ZNF468: variants seen among roughly 807,000 people sequenced by gnomAD.
ZNF468 encodes the protein zinc finger protein ZNF468.
A neutral mutation model predicts 7.2 loss-of-function variants in ZNF468; 8 were observed. The observed-to-expected ratio is 1.11, with a 90% CI of 0.65 to 2.01. The LOEUF is 2.01. Among genes scored for constraint, ZNF468 ranks in the 30% most tolerant of loss-of-function variants. The pLI is 0.00. For synonymous variants in ZNF468, 218 were observed against 214.4 expected (o/e 1.02, Z -0.15); for missense variants, 608 against 626.5 (o/e 0.97, Z 0.31).
chr19:52,849,025 G>T (rs2063362097), intron 3 of ZNF468, 62 bp downstream of exon 3: 3 of 1,595,946 alleles, frequency 1.9e-6, no homozygotes, highest in Admixed American at 3.6e-5. Context: ...GTTCCTAAGA[G>T]ACAATAAGAG....
chr19:52,852,042 G>C (rs1228263806), intron 2 of ZNF468, among the ~76,000 whole-genome samples: 2 of 152,050 alleles, frequency 1.3e-5, no homozygotes, highest in African/African-American at 4.8e-5. Context: ...AGGATACTTT[G>C]GCAGTGGGAG....
At chr19:52,853,694 A>T (rs1327719490) in intron 2 of ZNF468, among the ~76,000 whole-genome samples, 1 of 151,972 alleles carries the variant, frequency 6.6e-6, no homozygotes, top group Non-Finnish European at 1.5e-5. Flanking sequence ...CCATCTCAAA[A>T]AATAATAATA....
Position 52,840,590 on chromosome 19 carries a change from G to A in ZNF468, c.*135C>T. ...TTCTCTCCAGTATGAAGTCTATGGT[G>A]ATGTGCAAAGGTTGCTTTTTGATTA... On this transcript the variant is annotated 3_prime_UTR_variant, in exon 4 of 4. Coordinates refer to ENST00000595646, the MANE Select transcript of ZNF468 (RefSeq NM_001008801.2). 2 of 1,444,234 alleles carry A rather than the reference G, an allele frequency of 1.4e-6. No individual in the cohort carries two copies. Among genetic ancestry groups the A allele is most frequent in the Non-Finnish European group, 1.9e-6 (2 of 1,027,422 alleles). 89.5% of individuals were successfully genotyped at this position (1,444,234 alleles called of 1,614,324 possible).
intron 2 of ZNF468, among the ~76,000 whole-genome samples, chr19:52,852,684 T>A (rs945721973): frequency 4.1e-4 from 62 of 151,236 alleles, no homozygotes; most frequent in African/African-American, 1.4e-3. Context: ...TCAAAAAAAA[T>A]AAATAAAGCA....
At position 52,854,276 on chromosome 19, in the gene ZNF468, T is replaced by C. The variant is rs776513449; in HGVS notation, c.-4A>G. On this transcript the variant is annotated 5_prime_UTR_variant, in exon 2 of 4. Transcript: ENST00000595646. ...ATCTCACCTGAGGAAGAGCCATCCCTGACTCCTTTGCTTTCCTCTTCCTCT... is the reference window on the plus strand; with the variant it reads ...ATCTCACCTGAGGAAGAGCCATCCCCGACTCCTTTGCTTTCCTCTTCCTCT... The C allele has an allele frequency of 3.1e-6, 5 of 1,613,848 alleles. No individual in the cohort carries two copies. Among genetic ancestry groups the C allele is most frequent in the Non-Finnish European group, 3.4e-6 (4 of 1,179,832 alleles).
intron 1 of ZNF468, among the ~76,000 whole-genome samples, chr19:52,854,956 G>A (rs1023478521): frequency 2.6e-5 from 4 of 151,810 alleles, no homozygotes; most frequent in Non-Finnish European, 5.9e-5. Context: ...TGCGCGACCC[G>A]AGATCGCGCC....
rs746230765 is a variant in ZNF468, at chr19:52,838,653, A to C, written c.*2072T>G. On this transcript the variant is annotated 3_prime_UTR_variant, in exon 4 of 4. Transcript: ENST00000595646. ...CAAACACATTCAGTTTATTTGCAGA[A>C]TAGAATAACAGCACCAAAAATTAGT... is the stretch of plus-strand genomic sequence containing the variant. 1.3e-5 allele frequency: 2 copies of C among 152,224 alleles called. No homozygotes were observed. The highest frequency in any genetic ancestry group is 2.9e-5 in the Non-Finnish European group (2 of 68,044). 9.4% of individuals were successfully genotyped at this position (152,224 alleles called of 1,614,324 possible). A position where few individuals can be genotyped will look rare whatever the true frequency, so the allele number is the denominator to read the frequency against.
At position 52,854,226 on chromosome 19, in the gene ZNF468, G is replaced by C. The variant is rs763935236; in HGVS notation, c.15+32C>G. 6.8e-6 allele frequency: 11 copies of C among 1,613,636 alleles called. No individual in the cohort carries two copies. The African/African-American group carries it at 1.5e-4, about 22-fold the overall frequency. On this transcript the variant is annotated intron_variant, in intron 2 of 3. Transcript: ENST00000595646. ...GGCCCAGGGTATCTGAAAGGAAGGA[G>C]ACAGAACAATCCACCGAGGATATCA...
At position 52,840,156 on chromosome 19, in the gene ZNF468, T is replaced by C. The variant is rs537982653; in HGVS notation, c.*569A>G. On this transcript the variant is annotated 3_prime_UTR_variant, in exon 4 of 4. Coordinates refer to ENST00000595646, the MANE Select transcript of ZNF468 (RefSeq NM_001008801.2). ...CTCCAGTGTGAATTCTCCTATGTATTTGAAGCTGGATTTGTGAATGAAAAC... is the reference window on the plus strand; with the variant it reads ...CTCCAGTGTGAATTCTCCTATGTATCTGAAGCTGGATTTGTGAATGAAAAC... The C allele has an allele frequency of 4.7e-6, 2 of 422,100 alleles. No individual in the cohort carries two copies. The highest frequency in any genetic ancestry group is 6.7e-5 in the East Asian group (1 of 15,006). 26.1% of individuals were successfully genotyped at this position (422,100 alleles called of 1,614,324 possible). A position where few individuals can be genotyped will look rare whatever the true frequency, so the allele number is the denominator to read the frequency against.
intron 3 of ZNF468, among the ~76,000 whole-genome samples, chr19:52,842,916 GA>G (rs564170334): frequency 1.3e-5 from 2 of 150,706 alleles, no homozygotes; most frequent in African/African-American, 4.9e-5. Flanking sequence ...CTCAGGTCAG[GA>G]GTTCAACCAG....
At position 52,839,608 on chromosome 19, in the gene ZNF468, G is replaced by A; in HGVS notation, c.*1117C>T. 1.8e-6 allele frequency: 1 copy of A among 548,718 alleles called. No homozygotes were observed. Among genetic ancestry groups the A allele is most frequent in the Non-Finnish European group, 3.7e-6 (1 of 270,106 alleles). The allele number at this position is 548,718 out of a possible 1,614,324, so 34.0% of individuals were successfully genotyped here. On this transcript the variant is annotated 3_prime_UTR_variant, in exon 4 of 4. Transcript: ENST00000595646. The stretch of plus-strand genomic sequence containing the variant: ...CTTGGACTGAAGACCCTTCCACACT[G>A]ATGACATTTGTAAGATTTCTGTCCA...
Position 52,854,164 on chromosome 19 carries a change from A to T in ZNF468, c.15+94T>A, listed in dbSNP as rs1394414536. 3 of 1,606,284 alleles carry T rather than the reference A, an allele frequency of 1.9e-6. No homozygotes were observed. In the Admixed American group the frequency reaches 5.0e-5, roughly 27 times the overall value. On this transcript the variant is annotated intron_variant, in intron 2 of 3. Transcript: ENST00000595646. ...ATAAGTGAGGGTGAGCAAACATGTC[A>T]GGCAGGTCATTCAGACCCAGACATT...
chr19:52,852,675 C>CA (rs914221082), intron 2 of ZNF468, among the ~76,000 whole-genome samples: 4 of 150,850 alleles, frequency 2.7e-5, no homozygotes, highest in African/African-American at 4.9e-5. Flanking sequence ...GACTCCATCT[C>CA]AAAAAAAATA....
At chr19:52,842,308 A>C (rs753938639) in intron 3 of ZNF468, among the ~76,000 whole-genome samples, 157 bp from the exon 4 acceptor site, 1 of 152,170 alleles carries the variant, frequency 6.6e-6, no homozygotes, top group Non-Finnish European at 1.5e-5. Flanking sequence ...ATTCTTTAAT[A>C]AATAAAGGGC....
At position 52,839,524 on chromosome 19, in the gene ZNF468, C is replaced by A; in HGVS notation, c.*1201G>T. ...TTAATGCTTGATGGTTTGCTATACT[C>A]ACTGCATTTGAAACAACTGTCTCCA... On this transcript the variant is annotated 3_prime_UTR_variant, in exon 4 of 4. Transcript: ENST00000595646. 4.1e-6 allele frequency: 2 copies of A among 489,140 alleles called. No homozygotes were observed. Among genetic ancestry groups the A allele is most frequent in the South Asian group, 1.6e-5 (1 of 61,454 alleles). The allele number at this position is 489,140 out of a possible 1,614,324, so 30.3% of individuals were successfully genotyped here. A position where few individuals can be genotyped will look rare whatever the true frequency, so the allele number is the denominator to read the frequency against.
Position 52,840,585 on chromosome 19 carries a change from A to G in ZNF468, c.*140T>C. 2 of 1,416,712 alleles carry G rather than the reference A, an allele frequency of 1.4e-6. No individual in the cohort carries two copies. Among genetic ancestry groups the G allele is most frequent in the Non-Finnish European group, 1.0e-6 (1 of 1,003,238 alleles). 87.8% of individuals were successfully genotyped at this position (1,416,712 alleles called of 1,614,324 possible). A position where few individuals can be genotyped will look rare whatever the true frequency, so the allele number is the denominator to read the frequency against. ...AAGGTTTCTCTCCAGTATGAAGTCT[A>G]TGGTGATGTGCAAAGGTTGCTTTTT... On this transcript the variant is annotated 3_prime_UTR_variant, in exon 4 of 4. Coordinates refer to ENST00000595646, the MANE Select transcript of ZNF468 (RefSeq NM_001008801.2).
chr19:52,841,332 T>C lies in ZNF468; in HGVS notation c.962A>G (p.His321Arg). ...KSHLERHKRI[H>R]TGEKPYKCKV... The stretch of plus-strand genomic sequence containing the variant: ...ACATTTGTATGGTTTCTCTCCAGTA[T>C]GAATCCTCTTATGTCTTTCAAGGTG... Residue 321 changes from histidine to arginine, a missense_variant, in exon 4 of 4, where the codon CAT (histidine) becomes CGT (arginine). Transcript: ENST00000595646. 6.2e-7 allele frequency: 1 copy of C among 1,614,040 alleles called. No homozygotes were observed. The highest frequency in any genetic ancestry group is 1.1e-5 in the South Asian group (1 of 91,076).
At chr19:52,842,893 G>A (rs2063316855) in intron 3 of ZNF468, among the ~76,000 whole-genome samples, 1 of 149,560 alleles carries the variant, frequency 6.7e-6, no homozygotes, top group Non-Finnish European at 1.5e-5. Context: ...GGAGGCCGAG[G>A]AAGGTGGATC....
In ZNF468 at chr19:52,849,735, C is replaced by CAA. The variant is rs59094952; in HGVS notation, c.16-524_16-523dup. The CAA allele has an allele frequency of 1.9e-3, 220 of 114,018 alleles. 6 individuals carry two copies. The highest frequency in any genetic ancestry group is 8.5e-3 in the East Asian group (32 of 3,784). The allele number at this position is 114,018 out of a possible 1,614,324, so 7.1% of individuals were successfully genotyped here. A position where few individuals can be genotyped will look rare whatever the true frequency, so the allele number is the denominator to read the frequency against. On this transcript the variant is annotated intron_variant, in intron 2 of 3. Transcript: ENST00000595646. ...AGCCTGGGCAACAGAAACTCCATCT[C>CAA]AAAAAAAAAAAAAAAAAAATTAGCC... is the stretch of plus-strand genomic sequence containing the variant.
Sources: gnomAD v4.1 joint callset for allele counts (sites outside exome capture counted in the v4.1 genomes callset) on GRCh38, gnomAD v4.1.1 for gene constraint, MANE v1.5 for transcripts, NCBI Gene and HGNC (gene_info 2026-07-23, HGNC 2026-07-21) for gene names.